Variants in ATXN7L2 observed in about 807,000 individuals in gnomAD.
The protein encoded by ATXN7L2 is ataxin 7 like 2, also known as ataxin-7-like protein 2.
A neutral mutation model predicts 59.6 loss-of-function variants in ATXN7L2; 17 were observed. The observed-to-expected ratio is 0.29, with a 90% CI of 0.20 to 0.43. The LOEUF (loss-of-function observed/expected upper bound fraction) is 0.43, where lower values mean the gene tolerates loss of function less well. ATXN7L2 is among the 20% of genes least tolerant of loss of function. The probability of loss-of-function intolerance (pLI) is 1.00; values close to 1 mark genes in which losing one functional copy is unlikely to be tolerated. For synonymous variants in ATXN7L2, 378 were observed against 392.5 expected (o/e 0.96, Z 0.44); for missense variants, 858 against 1,008.9 (o/e 0.85, Z 2.03).
rs1356407278 is a variant in ATXN7L2, at chr1:109,491,671, A to C, written c.2204A>C (p.Lys735Thr). The change falls in exon 10 of 11, where the codon AAG becomes ACG. Residue 735 changes from lysine (K) to threonine (T), a missense_variant. Transcript: ENST00000683729. This position sits in a 1 kb window ranked among gnomAD's most constrained non-coding sequence, Gnocchi z 4.1. ...GTGGCCTGCTCTGTGCGCCGCAAGA[A>C]GCCAGGCCCGGCCCTGGCCTTTGAG... ...ADVACSVRRK[K>T]PGPALAFEEK... The C allele has an allele frequency of 6.2e-7, 1 of 1,610,340 alleles. No individual in the cohort carries two copies. Among genetic ancestry groups the C allele is most frequent in the African/African-American group, 1.3e-5 (1 of 75,000 alleles).
rs760914122 is a variant in ATXN7L2 at position 109,486,109 on chromosome 1, C to T, written c.180C>T (p.Thr60=). 2 of 1,597,410 alleles carry T rather than the reference C, an allele frequency of 1.3e-6. No homozygotes were observed. Among genetic ancestry groups the T allele is most frequent in the Admixed American group, 1.8e-5 (1 of 56,284 alleles). ...ACACGAAGAAGTTGGATGCCATGAC[C>T]CTCATTAAAGAAGGTGGGAGTCGAC... ...SKNTKKLDAM[T]LIKEDMSIFG... Residue 60 remains threonine (T), a synonymous_variant, in exon 2 of 11, where the codon ACC becomes ACT. Transcript: ENST00000683729. This position sits in a 1 kb window ranked among gnomAD's most constrained non-coding sequence, Gnocchi z 4.3.
chr1:109,489,203 C>G, intron 7 of ATXN7L2, 103 bp downstream of exon 7: 1 of 1,426,034 alleles, frequency 7.0e-7, no homozygotes, highest in Admixed American at 2.2e-5. Context: ...AAGAGGCACT[C>G]CCTCAGCCCT....
In ATXN7L2 at chr1:109,488,377, C is replaced by T. The variant is rs1405584155; in HGVS notation, c.797-6C>T. On this transcript the variant is annotated splice_polypyrimidine_tract_variant and splice_region_variant and intron_variant, in intron 5 of 10. Transcript: ENST00000683729. The surrounding 1 kb of genome is among the most constrained non-coding windows in gnomAD (Gnocchi z 5.0). Reference sequence around the variant, plus strand: ...TTGAGGTTCATTGGAAGTGCTTTCCCCACAGGGAAGGAGTGCGACCTCAAC... The same window carrying T: ...TTGAGGTTCATTGGAAGTGCTTTCCTCACAGGGAAGGAGTGCGACCTCAAC... 6.3e-7 allele frequency: 1 copy of T among 1,595,204 alleles called. No homozygotes were observed. Among genetic ancestry groups the T allele is most frequent in the African/African-American group, 1.3e-5 (1 of 74,794 alleles).
At position 109,490,915 on chromosome 1, in the gene ATXN7L2, G is replaced by T; in HGVS notation, c.1455-7G>T. On this transcript the variant is annotated splice_region_variant and splice_polypyrimidine_tract_variant and intron_variant, in intron 9 of 10. Coordinates refer to ENST00000683729, the MANE Select transcript of ATXN7L2 (RefSeq NM_001350175.2). ...GCAGTCACAGTGGGGCTTTCTTTTT[G>T]CTGCAGGAAGATCCCACCGGCAGCT... is the stretch of plus-strand genomic sequence containing the variant. 6.5e-7 allele frequency: 1 copy of T among 1,539,216 alleles called. No homozygotes were observed. Among genetic ancestry groups the T allele is most frequent in the Non-Finnish European group, 8.7e-7 (1 of 1,143,410 alleles).
At chr1:109,484,119 T>A (rs761980831) in intron 1 of ATXN7L2, 39 bp downstream of exon 1, 1 of 1,436,920 alleles carries the variant, frequency 7.0e-7, no homozygotes, top group Non-Finnish European at 9.2e-7. Context: ...ACCCCATCAC[T>A]ATCTCCCCTC....
At position 109,487,692 on chromosome 1, in the gene ATXN7L2, G is replaced by A. The variant is rs1656696683; in HGVS notation, c.684G>A (p.Glu228=). ...CTTCTAAAGAACCTCCTGGCAGAGA[G>A]AACATCGAGATCATCCCCAGTGAGG... The part of the protein sequence containing the change: ...APPSKEPPGR[E]NIEIIPSEGS... Residue 228 remains glutamate (E), a synonymous_variant, in exon 5 of 11, where the codon GAG becomes GAA. Coordinates refer to ENST00000683729, the MANE Select transcript of ATXN7L2 (RefSeq NM_001350175.2). 6.2e-7 allele frequency: 1 copy of A among 1,613,584 alleles called. No individual in the cohort carries two copies. Among genetic ancestry groups the A allele is most frequent in the South Asian group, 1.1e-5 (1 of 90,962 alleles).
chr1:109,484,336 A>G (rs1656414918), intron 1 of ATXN7L2, among the ~76,000 whole-genome samples: 1 of 151,274 alleles, frequency 6.6e-6, no homozygotes, highest in Non-Finnish European at 1.5e-5. Flanking sequence ...GCCCCCATAT[A>G]GGCTTGCCTT....
At chr1:109,489,721 G>A (rs1447652723) in intron 7 of ATXN7L2, 35 of 601,742 alleles carry the variant, frequency 5.8e-5, no homozygotes, top group South Asian at 9.8e-5. Flanking sequence ...AGGGGCTGGG[G>A]AGAGAATCCC....
At chr1:109,489,882 G>C (rs747191156) in intron 7 of ATXN7L2, 48 bp from the exon 8 acceptor site, 1 of 1,606,418 alleles carries the variant, frequency 6.2e-7, no homozygotes. Context: ...CCCCTACTCT[G>C]ACCCCACAAC....
At chr1:109,485,792 TG>T (rs1656546625) in intron 1 of ATXN7L2, 1 of 1,146,520 alleles carries the variant, frequency 8.7e-7, no homozygotes, top group African/African-American at 1.6e-5. Flanking sequence ...TTCTTCTTAG[TG>T]GGGCCATCTT....
rs1301235550 is a variant in ATXN7L2, at chr1:109,491,927, C to A, written c.2250+210C>A. ...TGGTGAACCTTCCCCTATCCCTAACCCTTTCCCTTGGGCTGAGGAGATGCG... is the reference window on the plus strand; with the variant it reads ...TGGTGAACCTTCCCCTATCCCTAACACTTTCCCTTGGGCTGAGGAGATGCG... On this transcript the variant is annotated intron_variant, in intron 10 of 10. Transcript: ENST00000683729. This position sits in a 1 kb window ranked among gnomAD's most constrained non-coding sequence, Gnocchi z 4.1. The A allele has an allele frequency of 2.4e-6, 3 of 1,231,688 alleles. No homozygotes were observed. In the South Asian group the frequency reaches 5.8e-5, roughly 24 times the overall value. The allele number at this position is 1,231,688 out of a possible 1,614,324, so 76.3% of individuals were successfully genotyped here. A position where few individuals can be genotyped will look rare whatever the true frequency, so the allele number is the denominator to read the frequency against.
Position 109,487,530 on chromosome 1 carries a change from T to G in ATXN7L2, c.522T>G (p.Pro174=). ...TQKDNLCLFV[P]VVNLEKMSSL... is the part of the protein sequence containing the mutation. ...TCTCTGTGTGTAGCCTTTTCGTGCC[T>G]GTGGTGAATCTGGAGAAGATGTCCA... Residue 174 remains proline, a synonymous_variant, in exon 5 of 11, where the codon CCT becomes CCG. Transcript: ENST00000683729. 1.3e-6 allele frequency: 2 copies of G among 1,502,266 alleles called. No individual in the cohort carries two copies. The highest frequency in any genetic ancestry group is 1.4e-5 in the South Asian group (1 of 72,446). The allele number at this position is 1,502,266 out of a possible 1,614,324, so 93.1% of individuals were successfully genotyped here.
At chr1:109,489,849 T>G in intron 7 of ATXN7L2, 81 bp from the exon 8 acceptor site, 2 of 1,500,738 alleles carry the variant, frequency 1.3e-6, no homozygotes, top group South Asian at 1.2e-5. Flanking sequence ...CCCTGCTCTT[T>G]GAGCTCGGCA....
In ATXN7L2 at chr1:109,483,988, C is replaced by T. The variant is rs780780207; in HGVS notation, c.35C>T (p.Ala12Val). ...AVRERAAAAM[A>V]ALERRVPSLD... Reference sequence around the variant, plus strand: ...CGTGAACGCGCGGCGGCAGCAATGGCCGCTCTGGAGCGGCGGGTGCCGAGT... The same window carrying T: ...CGTGAACGCGCGGCGGCAGCAATGGTCGCTCTGGAGCGGCGGGTGCCGAGT... The change falls in exon 1 of 11, where the codon GCC (alanine) becomes GTC (valine). Residue 12 changes from alanine (A) to valine (V), a missense_variant. By Grantham distance (64) the Ala-to-Val change is moderately conservative. This residue lies in a region of ATXN7L2 where 95 missense variants were observed against 82.6 expected (regional missense o/e 1.15). Coordinates refer to ENST00000683729, the MANE Select transcript of ATXN7L2 (RefSeq NM_001350175.2). 2 of 1,405,736 alleles carry T rather than the reference C, an allele frequency of 1.4e-6. No individual in the cohort carries two copies. The highest frequency in any genetic ancestry group is 1.9e-6 in the Non-Finnish European group (2 of 1,068,184). The allele number at this position is 1,405,736 out of a possible 1,614,324, so 87.1% of individuals were successfully genotyped here.
rs373534067 is a variant in ATXN7L2, at chr1:109,491,823, G to A, written c.2250+106G>A. On this transcript the variant is annotated intron_variant, in intron 10 of 10. Transcript: ENST00000683729. This position sits in a 1 kb window ranked among gnomAD's most constrained non-coding sequence, Gnocchi z 4.1. ...TTTGTGCAGGGAAAGGGAGGAAGGG[G>A]AAGTTGAGAGAGTTCCTGGACTGTT... is the stretch of plus-strand genomic sequence containing the variant. 2.6e-4 allele frequency: 347 copies of A among 1,341,290 alleles called. 4 individuals are homozygous for A. The South Asian group carries it at 5.0e-3, about 19-fold the overall frequency. The allele number at this position is 1,341,290 out of a possible 1,614,324, so 83.1% of individuals were successfully genotyped here.
At position 109,487,847 on chromosome 1, in the gene ATXN7L2, A is replaced by T. The variant is rs781240476; in HGVS notation, c.796+43A>T. 11 of 1,535,096 alleles carry T rather than the reference A, an allele frequency of 7.2e-6. No individual in the cohort carries two copies. In the South Asian group the frequency reaches 1.3e-4, roughly 18 times the overall value. On this transcript the variant is annotated intron_variant, in intron 5 of 10. Coordinates refer to ENST00000683729, the MANE Select transcript of ATXN7L2 (RefSeq NM_001350175.2). ...TGGGGGTCCAGAATGTAGAGTGGGG[A>T]CTCCTTTGGGCTGCTTTGTCCTTGG... is the stretch of plus-strand genomic sequence containing the variant.
intron 9 of ATXN7L2, 21 bp downstream of exon 9, chr1:109,490,413 A>C (rs772371243): frequency 6.2e-7 from 1 of 1,609,182 alleles, no homozygotes; most frequent in Non-Finnish European, 8.5e-7. Context: ...CGGACCCAGA[A>C]TGGAAGTTCT....
chr1:109,486,259 GGTT>G lies in ATXN7L2; in HGVS notation c.193+141_193+143del. ...TCATTTTGATAGGTCCGAGTCGGCC[GGTT>G]GTTCTGGCTCCTGTGACCTGTCGTT... On this transcript the variant is annotated intron_variant, in intron 2 of 10. Coordinates refer to ENST00000683729, the MANE Select transcript of ATXN7L2 (RefSeq NM_001350175.2). This position sits in a 1 kb window ranked among gnomAD's most constrained non-coding sequence, Gnocchi z 4.3. 7.5e-7 allele frequency: 1 copy of G among 1,334,600 alleles called. No homozygotes were observed. The highest frequency in any genetic ancestry group is 1.0e-6 in the Non-Finnish European group (1 of 1,002,798). The allele number at this position is 1,334,600 out of a possible 1,614,324, so 82.7% of individuals were successfully genotyped here.
Position 109,491,101 on chromosome 1 carries a change from C to T in ATXN7L2, c.1634C>T (p.Ser545Phe). 6.2e-7 allele frequency: 1 copy of T among 1,613,708 alleles called. No individual in the cohort carries two copies. The change falls in exon 10 of 11, where the codon TCC becomes TTC. Residue 545 changes from serine (S) to phenylalanine (F), a missense_variant. Physicochemically the swap from Ser to Phe is radical, Grantham distance 155 (BLOSUM62 -2). Coordinates refer to ENST00000683729, the MANE Select transcript of ATXN7L2 (RefSeq NM_001350175.2). The surrounding 1 kb of genome is among the most constrained non-coding windows in gnomAD (Gnocchi z 4.1). ...DNLVPSYPAG[S>F]PSVAAACSQA... Reference sequence around the variant, plus strand: ...CTTGTCCCCAGCTACCCTGCAGGCTCCCCCAGCGTGGCGGCTGCCTGTAGC... The same window carrying T: ...CTTGTCCCCAGCTACCCTGCAGGCTTCCCCAGCGTGGCGGCTGCCTGTAGC...
Sources: allele counts gnomAD v4.1 joint callset (sites outside exome capture counted in the v4.1 genomes callset), GRCh38; gene constraint gnomAD v4.1.1; regional missense constraint gnomAD v4.1.1; non-coding constraint Gnocchi (gnomAD v3.1); transcripts MANE v1.5; gene names NCBI Gene and HGNC (gene_info 2026-07-23, HGNC 2026-07-21).